MGST1: variants seen among roughly 807,000 people sequenced by gnomAD.
MGST1 encodes the protein glutathione S-transferase 12.
Under a neutral mutation model 8.9 loss-of-function variants are expected in MGST1, and 5 were observed. That is an observed-to-expected ratio of 0.56 (90% CI 0.29 to 1.19). The LOEUF (loss-of-function observed/expected upper bound fraction) is 1.19. MGST1 is among the 50% of genes most tolerant of loss of function. The pLI is 0.08. For missense variants in MGST1, 182 were observed against 187.4 expected (o/e 0.97, Z 0.17); for synonymous variants, 54 against 67.8 (o/e 0.80, Z 1.00).
intron 1 of MGST1, among the ~76,000 whole-genome samples, chr12:16,387,090 T>C (rs1565444968): frequency 6.6e-6 from 1 of 152,260 alleles, no homozygotes; most frequent in Non-Finnish European, 1.5e-5. Context: ...AATCTTTTAC[T>C]GTGCCTAATT....
intron 3 of MGST1, among the ~76,000 whole-genome samples, chr12:16,374,479 C>A (rs1025177531): frequency 1.3e-5 from 2 of 151,944 alleles, no homozygotes; most frequent in African/African-American, 4.8e-5. Flanking sequence ...AAAATCACCC[C>A]AAATCCCTTT....
At position 16,540,212 on chromosome 12, in the gene MGST1, C is replaced by T. The variant is rs568871718; in HGVS notation, n.483-49316C>T. 5.3e-5 allele frequency among the ~76,000 whole-genome samples: 8 copies of T among 152,294 alleles called. No individual in the cohort carries two copies. The East Asian group carries it at 1.5e-3, about 29-fold the overall frequency. ...CTTGATCTTGGAGCCTTGATATCTC[C>T]TTCCTCTTCCTTCTCCACCCTTTTC... On this transcript the variant is annotated intron_variant and non_coding_transcript_variant, in intron 4 of 4. Coordinates refer to the MGST1 transcript ENST00000538857.
In MGST1 at chr12:16,497,423, TAG is replaced by T. The variant is rs1941478021; in HGVS notation, n.483-92099_483-92098del. Among the ~76,000 whole-genome samples the T allele has an allele frequency of 6.6e-6, 1 of 152,112 alleles. No homozygotes were observed. The highest frequency in any genetic ancestry group is 2.4e-5 in the African/African-American group (1 of 41,438). On this transcript the variant is annotated intron_variant and non_coding_transcript_variant, in intron 4 of 4. Transcript: ENST00000538857. This position sits in a 1 kb window ranked among gnomAD's most constrained non-coding sequence, Gnocchi z 4.4. ...CTCATTAAAGCAATGATCTGAAATC[TAG>T]AGAGAAGAGTGGAATGAAGACTGCA... is the stretch of plus-strand genomic sequence containing the variant.
intron 2 of MGST1, 198 bp downstream of exon 2, chr12:16,354,576 TG>T (rs1381453934): frequency 2.4e-6 from 1 of 413,856 alleles, no homozygotes. Context: ...AACTAGTAAA[TG>T]GTTTTTTCAT....
intron 1 of MGST1, among the ~76,000 whole-genome samples, chr12:16,386,640 A>G (rs1940506338): frequency 6.6e-6 from 1 of 152,214 alleles, no homozygotes; most frequent in African/African-American, 2.4e-5. Context: ...GTTACTGTAT[A>G]TGACCAGTAT....
At chr12:16,358,240 C>T (rs931817952) in intron 3 of MGST1, among the ~76,000 whole-genome samples, 2 of 152,072 alleles carry the variant, frequency 1.3e-5, no homozygotes, top group African/African-American at 2.4e-5. Context: ...TTCCTATCAC[C>T]CAGGTAGTGA....
Position 16,503,889 on chromosome 12 carries a change from T to G in MGST1, n.483-85639T>G, listed in dbSNP as rs1253146736. Among the ~76,000 whole-genome samples the G allele has an allele frequency of 1.3e-5, 2 of 152,224 alleles. No homozygotes were observed. The highest frequency in any genetic ancestry group is 2.9e-5 in the Non-Finnish European group (2 of 68,022). On this transcript the variant is annotated intron_variant and non_coding_transcript_variant, in intron 4 of 4. Transcript: ENST00000538857. The surrounding 1 kb of genome is among the most constrained non-coding windows in gnomAD (Gnocchi z 4.8). ...CATAACTACCTCAGAGCTGCCACTC[T>G]GGGCACATTGCCTATGGGGTAGCCC...
intron 1 of MGST1, among the ~76,000 whole-genome samples, chr12:16,425,272 G>A (rs1266328099): frequency 2.6e-5 from 4 of 152,078 alleles, no homozygotes; most frequent in Admixed American, 6.6e-5. Flanking sequence ...TTGGAAACTA[G>A]TGGGTTTTTT....
intron 4 of MGST1, among the ~76,000 whole-genome samples, chr12:16,554,880 G>A (rs1942133030): frequency 1.3e-5 from 2 of 152,060 alleles, no homozygotes; most frequent in Admixed American, 6.5e-5. Context: ...GGATGGTCTC[G>A]ATCTCCCAAC....
intron 1 of MGST1, chr12:16,400,142 G>C: frequency 7.2e-7 from 1 of 1,392,282 alleles, no homozygotes; most frequent in Non-Finnish European, 1.0e-6. Flanking sequence ...TCAGCATAGA[G>C]GTCATCTCGG....
Position 16,363,685 on chromosome 12 carries a change from A to G in MGST1, c.222-110A>G. ...GAGAAAAAAAATAAATCTTACTTTG[A>G]AATTTAAGGATCCATTAGTGCTCAG... On this transcript the variant is annotated intron_variant, in intron 3 of 3. Coordinates refer to ENST00000396210, the MANE Select transcript of MGST1 (RefSeq NM_020300.5). This position sits in a 1 kb window ranked among gnomAD's most constrained non-coding sequence, Gnocchi z 4.6. 1.1e-6 allele frequency: 1 copy of G among 918,122 alleles called. No homozygotes were observed. Among genetic ancestry groups the G allele is most frequent in the Non-Finnish European group, 1.5e-6 (1 of 653,716 alleles). 56.9% of individuals were successfully genotyped at this position (918,122 alleles called of 1,614,324 possible). A position where few individuals can be genotyped will look rare whatever the true frequency, so the allele number is the denominator to read the frequency against.
At chr12:16,529,831 A>C (rs1941711222) in intron 4 of MGST1, among the ~76,000 whole-genome samples, 1 of 152,104 alleles carries the variant, frequency 6.6e-6, no homozygotes, top group Non-Finnish European at 1.5e-5. Context: ...ATGAAATCAA[A>C]ACTCAAAGTG....
chr12:16,468,180 T>G (rs1269336090), intron 4 of MGST1, among the ~76,000 whole-genome samples: 3 of 152,192 alleles, frequency 2.0e-5, no homozygotes, highest in African/African-American at 7.2e-5. Context: ...AGTTGATTGA[T>G]TCAACCTCTC....
rs1565438849 is a variant in MGST1, at chr12:16,363,595, AAGAAAC to A, written c.222-194_222-189del. ...TATTTAAAGATACACTAAAAATAAA[AAGAAAC>A]AGAAATAATGAGAGATTCTAAATAA... On this transcript the variant is annotated intron_variant, in intron 3 of 3. Coordinates refer to ENST00000396210, the MANE Select transcript of MGST1 (RefSeq NM_020300.5). This position sits in a 1 kb window ranked among gnomAD's most constrained non-coding sequence, Gnocchi z 4.6. 7.5e-6 allele frequency: 3 copies of A among 397,946 alleles called. No individual in the cohort carries two copies. Among genetic ancestry groups the A allele is most frequent in the Non-Finnish European group, 8.7e-6 (2 of 229,668 alleles). 24.7% of individuals were successfully genotyped at this position (397,946 alleles called of 1,614,324 possible).
intron 4 of MGST1, among the ~76,000 whole-genome samples, chr12:16,499,825 C>T (rs1044575794): frequency 6.6e-6 from 1 of 152,144 alleles, no homozygotes; most frequent in Non-Finnish European, 1.5e-5. Context: ...GCAGATTAAA[C>T]TACGAACACG....
At chr12:16,529,117 C>T (rs553998464) in intron 4 of MGST1, among the ~76,000 whole-genome samples, 2 of 152,082 alleles carry the variant, frequency 1.3e-5, no homozygotes, top group Non-Finnish European at 2.9e-5. Flanking sequence ...TTCTGTAGCT[C>T]TTTTCTCCTT....
intron 1 of MGST1, among the ~76,000 whole-genome samples, chr12:16,404,163 A>AT (rs1276101039): frequency 6.6e-6 from 1 of 152,176 alleles, no homozygotes; most frequent in African/African-American, 2.4e-5. Context: ...ATCTATTTGA[A>AT]TTGTACCTTT....
At chr12:16,392,054 G>T (rs1455626056) in intron 1 of MGST1, among the ~76,000 whole-genome samples, 1 of 152,108 alleles carries the variant, frequency 6.6e-6, no homozygotes, top group Non-Finnish European at 1.5e-5. Flanking sequence ...AATGGTTGTA[G>T]GTGTGTGGCC....
At chr12:16,385,696 T>G (rs945772415) in intron 1 of MGST1, among the ~76,000 whole-genome samples, 2 of 151,764 alleles carry the variant, frequency 1.3e-5, no homozygotes, top group Non-Finnish European at 2.9e-5. Flanking sequence ...GGCTTTCTTT[T>G]TTTTTTTTTT....
Sources: gnomAD v4.1 joint callset for allele counts (sites outside exome capture counted in the v4.1 genomes callset) on GRCh38, gnomAD v4.1.1 for gene constraint, Gnocchi (gnomAD v3.1) non-coding constraint, MANE v1.5 for transcripts, NCBI Gene and HGNC (gene_info 2026-07-23, HGNC 2026-07-21) for gene names.